Variants in ADD3 observed in about 807,000 individuals in gnomAD.
ADD3 encodes adducin 3, also known as gamma-adducin.
A neutral mutation model predicts 80.2 loss-of-function variants in ADD3; 25 were observed. The observed-to-expected ratio is 0.31, with a 90% CI of 0.23 to 0.44. The LOEUF (loss-of-function observed/expected upper bound fraction) is 0.44, where lower values mean the gene tolerates loss of function less well. ADD3 is among the 20% of genes least tolerant of loss of function. The pLI, the probability that ADD3 is intolerant of heterozygous loss-of-function variation, is 1.00. For synonymous variants in ADD3, 284 were observed against 289.6 expected, an observed-to-expected ratio of 0.98 and a Z score of 0.20; for missense variants, 829 against 847.5, an observed-to-expected ratio of 0.98 and a Z score of 0.27.
rs542806708 is a variant in ADD3, at chr10:110,051,665, A to G, written c.-30+43366A>G. On this transcript the variant is annotated intron_variant, in intron 1 of 14. Coordinates refer to ENST00000356080, the MANE Select transcript of ADD3 (RefSeq NM_016824.5). ...CAAAGCAAGATGTAGAGAAGTGTGC[A>G]TTCTCCAATTTTTGTAAAAACAGGA... Among the ~76,000 whole-genome samples the G allele has an allele frequency of 1.3e-4, 20 of 152,372 alleles. No individual in the cohort carries two copies. The South Asian group carries it at 3.9e-3, about 30-fold the overall frequency.
chr10:110,122,402 C>T (rs569377577), intron 9 of ADD3, 110 bp downstream of exon 9: 6 of 949,414 alleles, frequency 6.3e-6, no homozygotes, highest in Admixed American at 2.5e-5. Context: ...CTGAGTTTGG[C>T]CCTAGGAAAG....
At chr10:110,080,141 CG>C (rs1467518939) in intron 1 of ADD3, among the ~76,000 whole-genome samples, 2 of 152,180 alleles carry the variant, frequency 1.3e-5, no homozygotes, top group South Asian at 2.1e-4. Flanking sequence ...ATTCATGGGT[CG>C]GGGTGGGTAA....
intron 2 of ADD3, among the ~76,000 whole-genome samples, chr10:110,104,336 C>T (rs1225337276): frequency 6.6e-6 from 1 of 152,216 alleles, no homozygotes; most frequent in Non-Finnish European, 1.5e-5. Context: ...CTTGGTTCCA[C>T]TGTCTAAGTC....
chr10:110,092,675 A>G (rs1847680157), intron 1 of ADD3, among the ~76,000 whole-genome samples: 1 of 152,148 alleles, frequency 6.6e-6, no homozygotes, highest in Non-Finnish European at 1.5e-5. Context: ...AATGCCGTAC[A>G]ATTTACCTAT....
chr10:110,098,860 A>AC (rs1477446186), intron 1 of ADD3, among the ~76,000 whole-genome samples: 3 of 151,844 alleles, frequency 2.0e-5, no homozygotes, highest in Non-Finnish European at 4.4e-5. Context: ...CGAACTCCTG[A>AC]CCTCGTGATC....
At chr10:110,110,899 A>G (rs952803506) in intron 2 of ADD3, among the ~76,000 whole-genome samples, 2 of 152,050 alleles carry the variant, frequency 1.3e-5, no homozygotes, top group Admixed American at 6.6e-5. Flanking sequence ...GAAGGCTGAG[A>G]TAAGAGAATC....
intron 1 of ADD3, among the ~76,000 whole-genome samples, chr10:110,041,706 A>T (rs558470117): frequency 6.6e-6 from 1 of 152,314 alleles, no homozygotes; most frequent in South Asian, 2.1e-4. Context: ...TATAACAGTA[A>T]CCTTGGGCCT....
intron 4 of ADD3, among the ~76,000 whole-genome samples, 157 bp downstream of exon 4, chr10:110,116,567 G>A (rs1045385226): frequency 3.9e-5 from 6 of 152,160 alleles, no homozygotes; most frequent in Non-Finnish European, 7.3e-5. Flanking sequence ...TTATACCCAA[G>A]GGAGAGGCTC....
intron 1 of ADD3, among the ~76,000 whole-genome samples, chr10:110,079,843 C>T (rs1358261417): frequency 6.6e-6 from 1 of 152,118 alleles, no homozygotes; most frequent in Non-Finnish European, 1.5e-5. Flanking sequence ...ACCCAGCCTA[C>T]TTCATTCTTT....
chr10:110,035,500 A>T, intron 1 of ADD3, among the ~76,000 whole-genome samples: 1 of 152,214 alleles, frequency 6.6e-6, no homozygotes, highest in Non-Finnish European at 1.5e-5. Context: ...TGCCATTAAA[A>T]GCTCTAAATC....
chr10:110,072,016 C>T (rs1455419965), intron 1 of ADD3, among the ~76,000 whole-genome samples: 1 of 152,190 alleles, frequency 6.6e-6, no homozygotes, highest in East Asian at 1.9e-4. Flanking sequence ...CCATCTATCA[C>T]ATATTAAATA....
chr10:110,113,782 G>A (rs1164272212), intron 3 of ADD3, among the ~76,000 whole-genome samples: 2 of 152,176 alleles, frequency 1.3e-5, no homozygotes, highest in African/African-American at 4.8e-5. Flanking sequence ...AATAGTTGGG[G>A]ATCTGGTTTG....
At chr10:110,094,076 CA>C (rs1442567334) in intron 1 of ADD3, among the ~76,000 whole-genome samples, 1 of 152,114 alleles carries the variant, frequency 6.6e-6, no homozygotes, top group African/African-American at 2.4e-5. Flanking sequence ...ACAACTACCC[CA>C]CTTGTACATC....
chr10:110,014,444 TC>T (rs1314154897), intron 1 of ADD3, among the ~76,000 whole-genome samples: 2 of 152,248 alleles, frequency 1.3e-5, no homozygotes, highest in Non-Finnish European at 2.9e-5. Context: ...GATGCATTGT[TC>T]GTATTCCTTA....
At chr10:110,071,145 A>G (rs917247618) in intron 1 of ADD3, among the ~76,000 whole-genome samples, 6 of 152,084 alleles carry the variant, frequency 3.9e-5, no homozygotes, top group African/African-American at 1.4e-4. Flanking sequence ...TTACTGGGTA[A>G]AGTATTTGAA....
chr10:110,071,545 A>C (rs1361441782), intron 1 of ADD3, among the ~76,000 whole-genome samples: 1 of 152,234 alleles, frequency 6.6e-6, no homozygotes, highest in Admixed American at 6.5e-5. Context: ...CTTTTCCCAA[A>C]ACAGAAATTA....
In ADD3 at chr10:110,118,649, T is replaced by C. The variant is rs1298287492; in HGVS notation, c.630T>C (p.His210=). The part of the protein sequence containing the change: ...DQGSTNLKID[H]TGFSPHAAIY... ...GAAGTACCAATTTGAAAATTGACCA[T>C]ACAGGATTCAGTCCCCATGCTGCAA... The change falls in exon 6 of 15, where the codon CAT becomes CAC. Residue 210 remains histidine (H), a synonymous_variant. Coordinates refer to ENST00000356080, the MANE Select transcript of ADD3 (RefSeq NM_016824.5). 6.2e-7 allele frequency: 1 copy of C among 1,613,804 alleles called. No individual in the cohort carries two copies. Among genetic ancestry groups the C allele is most frequent in the Non-Finnish European group, 8.5e-7 (1 of 1,179,676 alleles).
intron 1 of ADD3, among the ~76,000 whole-genome samples, chr10:110,000,006 G>A (rs1851455252): frequency 6.8e-6 from 1 of 147,968 alleles, no homozygotes; most frequent in Non-Finnish European, 1.5e-5. Context: ...TGCAACCTCT[G>A]CCTCCTGGGT....
At chr10:110,032,344 T>A (rs1855143915) in intron 1 of ADD3, among the ~76,000 whole-genome samples, 1 of 152,090 alleles carries the variant, frequency 6.6e-6, no homozygotes, top group Admixed American at 6.6e-5. Context: ...AAATCATGAG[T>A]GCTCTTAAAG....
Sources: gnomAD v4.1 joint callset for allele counts (sites outside exome capture counted in the v4.1 genomes callset) on GRCh38, gnomAD v4.1.1 for gene constraint, MANE v1.5 for transcripts, NCBI Gene and HGNC (gene_info 2026-07-23, HGNC 2026-07-21) for gene names.